The following MMP26 variants were observed in gnomAD, a reference collection of about 807,000 sequenced individuals.
The protein encoded by MMP26 is matrix metalloproteinase-26.
A neutral mutation model predicts 31.0 loss-of-function variants in MMP26; 33 were observed. The ratio of observed to expected loss-of-function variants is 1.06; its 90% CI spans 0.81 to 1.42. The LOEUF (loss-of-function observed/expected upper bound fraction) is 1.42. Ranked by LOEUF, MMP26 falls within the 40% of genes most tolerant of loss-of-function variation. MMP26 has a pLI of 0.00. For missense variants in MMP26, 347 were observed against 316.1 expected (o/e 1.10, Z -0.74); for synonymous variants, 122 against 114.9 (o/e 1.06, Z -0.40).
At chr11:4,712,854 A>G (rs114319165) in intron 1 of MMP26, among the ~76,000 whole-genome samples, 3,080 of 150,078 alleles carry the variant, frequency 0.021, 127 homozygotes, top group African/African-American at 0.072. Context: ...TTTCCCTACT[A>G]TCTATGTTAC....
At chr11:4,971,686 C>CCTT (rs1846668120) in intron 2 of MMP26, among the ~76,000 whole-genome samples, 1 of 152,084 alleles carries the variant, frequency 6.6e-6, no homozygotes, top group South Asian at 2.1e-4. Flanking sequence ...ATGTCTCAGT[C>CCTT]TAGGTACTTT....
chr11:4,707,706 T>C (rs906866483), intron 1 of MMP26, among the ~76,000 whole-genome samples: 2 of 152,212 alleles, frequency 1.3e-5, no homozygotes, highest in African/African-American at 4.8e-5. Context: ...ATTTAACTTA[T>C]AATTTGAGGG....
intron 2 of MMP26, among the ~76,000 whole-genome samples, chr11:4,828,903 G>A (rs899867777): frequency 2.0e-5 from 3 of 152,116 alleles, no homozygotes; most frequent in Non-Finnish European, 4.4e-5. Context: ...GCTTTTGTCT[G>A]TCATCCTCAG....
intron 1 of MMP26, among the ~76,000 whole-genome samples, chr11:4,751,177 A>G (rs1170726818): frequency 6.6e-6 from 1 of 152,138 alleles, no homozygotes; most frequent in Non-Finnish European, 1.5e-5. Context: ...GTTTTTCTGT[A>G]TAGTTCAATT....
chr11:4,719,356 G>A (rs1589882749), intron 1 of MMP26: 1 of 153,510 alleles, frequency 6.5e-6, no homozygotes, highest in Non-Finnish European at 1.5e-5. Context: ...CCATATTGGG[G>A]CTGTTGCTGT....
chr11:4,915,651 A>G, intron 2 of MMP26: 1 of 1,611,876 alleles, frequency 6.2e-7, no homozygotes, highest in East Asian at 2.2e-5. Context: ...TTTCCCAGGG[A>G]TCCCAGGGTC....
At chr11:4,804,538 T>G in intron 2 of MMP26, 2 of 784,260 alleles carry the variant, frequency 2.6e-6, no homozygotes, top group Non-Finnish European at 4.7e-6. Context: ...TTCAACTGTT[T>G]TAATAAATAA....
chr11:4,908,358 C>A, intron 2 of MMP26: 2 of 1,478,542 alleles, frequency 1.4e-6, no homozygotes, highest in Non-Finnish European at 1.9e-6. Context: ...CATTTACTGT[C>A]ATTTGCTATG....
chr11:4,914,161 A>C (rs1851036163), intron 2 of MMP26: 1 of 152,488 alleles, frequency 6.6e-6, no homozygotes, highest in African/African-American at 2.4e-5. Flanking sequence ...TTGGTGGTTA[A>C]CACTGACTCA....
chr11:4,766,853 C>T (rs7127377), intron 1 of MMP26, among the ~76,000 whole-genome samples: 14,311 of 151,634 alleles, frequency 0.094, 740 homozygotes, highest in Middle Eastern at 0.15. Context: ...GGTGGCTGTG[C>T]TATCGGTTCG....
At chr11:4,863,891 C>T (rs1464998011) in intron 2 of MMP26, among the ~76,000 whole-genome samples, 1 of 152,178 alleles carries the variant, frequency 6.6e-6, no homozygotes, top group Non-Finnish European at 1.5e-5. Context: ...CAAAACTTTT[C>T]TTCATTTTAA....
Position 4,944,017 on chromosome 11 carries a change from G to A in MMP26, c.-144-44051G>A, listed in dbSNP as rs1376862137. On this transcript the variant is annotated intron_variant, in intron 2 of 7. Transcript: ENST00000380390. ...TATTGGGCTGCCTATCCGCACACTG[G>A]GAGAATATGAGCTTCTATTTCTTTC... 3 of 423,558 alleles carry A rather than the reference G, an allele frequency of 7.1e-6. No individual in the cohort carries two copies. In the East Asian group the frequency reaches 2.1e-4, roughly 30 times the overall value. 26.2% of individuals were successfully genotyped at this position (423,558 alleles called of 1,614,324 possible). A position where few individuals can be genotyped will look rare whatever the true frequency, so the allele number is the denominator to read the frequency against.
chr11:4,859,377 G>A (rs1234128963), intron 2 of MMP26, among the ~76,000 whole-genome samples: 1 of 152,168 alleles, frequency 6.6e-6, no homozygotes, highest in African/African-American at 2.4e-5. Context: ...ATAGAAAAGT[G>A]TGAAGCTACT....
intron 2 of MMP26, among the ~76,000 whole-genome samples, chr11:4,866,038 AT>A (rs1850229438): frequency 6.6e-6 from 1 of 152,132 alleles, no homozygotes; most frequent in Non-Finnish European, 1.5e-5. Context: ...ACTCAAATCA[AT>A]CAGTGAAAAT....
In MMP26 at chr11:4,720,652, A is replaced by G. The variant is rs1289685019; in HGVS notation, c.-217+15607A>G. Among the ~76,000 whole-genome samples, 4 of 152,180 alleles carry G rather than the reference A, an allele frequency of 2.6e-5. No individual in the cohort carries two copies. In the East Asian group the frequency reaches 7.7e-4, roughly 29 times the overall value. ...AGAGAAGAGTTTGGGCTTATTAAAAACTATGATTTTGGTGGAGAGTTCCCC... is the reference window on the plus strand; with the variant it reads ...AGAGAAGAGTTTGGGCTTATTAAAAGCTATGATTTTGGTGGAGAGTTCCCC... On this transcript the variant is annotated intron_variant, in intron 1 of 7. Transcript: ENST00000380390.
chr11:4,848,677 G>A lies in MMP26; in HGVS notation c.-145+81336G>A, dbSNP rs758868363. On this transcript the variant is annotated intron_variant, in intron 2 of 7. Coordinates refer to ENST00000380390, the MANE Select transcript of MMP26 (RefSeq NM_021801.5). ...TAAGAATGGGTTAGGACCTGTGGGA[G>A]GCAGTAGGGCATGTAGGCCAGCAGG... is the stretch of plus-strand genomic sequence containing the variant. 9.9e-6 allele frequency: 16 copies of A among 1,614,008 alleles called. No individual in the cohort carries two copies. The highest frequency in any genetic ancestry group is 1.3e-5 in the Non-Finnish European group (15 of 1,179,948).
At chr11:4,923,706 C>G (rs1347994467) in intron 2 of MMP26, 2 of 1,613,854 alleles carry the variant, frequency 1.2e-6, no homozygotes, top group Non-Finnish European at 1.7e-6. Flanking sequence ...AGCAGGGAGT[C>G]CACACCCACG....
At chr11:4,849,291 C>A (rs527698305) in intron 2 of MMP26, 9 of 1,464,762 alleles carry the variant, frequency 6.1e-6, no homozygotes, top group Non-Finnish European at 8.3e-6. Flanking sequence ...TTGCATGAAA[C>A]GTTCCAAAAT....
At chr11:4,982,921 C>G (rs1396510786) in intron 2 of MMP26, among the ~76,000 whole-genome samples, 3 of 152,152 alleles carry the variant, frequency 2.0e-5, no homozygotes, top group African/African-American at 7.2e-5. Flanking sequence ...TTTACCTCCT[C>G]ATAGAAATCC....
Sources: gnomAD v4.1 joint callset for allele counts (sites outside exome capture counted in the v4.1 genomes callset) on GRCh38, gnomAD v4.1.1 for gene constraint, MANE v1.5 for transcripts, NCBI Gene and HGNC (gene_info 2026-07-23, HGNC 2026-07-21) for gene names.